Variants in CHSY3 observed in about 807,000 individuals in gnomAD.
CHSY3 encodes the protein N-acetylgalactosaminyl-proteoglycan 3-beta-glucuronosyltransferase 3.
CHSY3 carries 35 observed loss-of-function variants against 67.2 expected under a neutral mutation model. The ratio of observed to expected loss-of-function variants is 0.52; its 90% CI spans 0.40 to 0.69. The LOEUF (loss-of-function observed/expected upper bound fraction) is 0.69. Ranked by LOEUF, CHSY3 falls within the 30% of genes least tolerant of loss-of-function variation. The pLI is 0.00. For missense variants in CHSY3, 1,069 were observed against 1,138.5 expected (o/e 0.94, Z 0.88); for synonymous variants, 474 against 434.7 (o/e 1.09, Z -1.12).
intron 2 of CHSY3, among the ~76,000 whole-genome samples, chr5:130,112,687 T>C (rs1439974452): frequency 6.6e-6 from 1 of 152,136 alleles, no homozygotes; most frequent in Non-Finnish European, 1.5e-5. Flanking sequence ...TGGAGAGATA[T>C]AGACTGGAAT....
chr5:130,088,078 T>C (rs1766722193), intron 2 of CHSY3, among the ~76,000 whole-genome samples: 1 of 152,124 alleles, frequency 6.6e-6, no homozygotes, highest in Non-Finnish European at 1.5e-5. Context: ...TATACAACTA[T>C]CTGATCTTTG....
intron 2 of CHSY3, among the ~76,000 whole-genome samples, chr5:130,109,152 C>T (rs567119436): frequency 6.6e-6 from 1 of 151,804 alleles, no homozygotes; most frequent in East Asian, 1.9e-4. Flanking sequence ...GGATAAAGGT[C>T]CAAGAAACTT....
chr5:130,038,091 G>A (rs1217703416), intron 2 of CHSY3, among the ~76,000 whole-genome samples: 3 of 151,996 alleles, frequency 2.0e-5, no homozygotes, highest in Non-Finnish European at 4.4e-5. Flanking sequence ...TGTATTAGCA[G>A]GTTAATTTCT....
intron 2 of CHSY3, among the ~76,000 whole-genome samples, chr5:129,967,788 G>A (rs1762512096): frequency 6.6e-6 from 1 of 151,802 alleles, no homozygotes; most frequent in East Asian, 1.9e-4. Flanking sequence ...TCATCTGGCA[G>A]TCATTAATTT....
chr5:130,098,241 A>T (rs1057169006), intron 2 of CHSY3, among the ~76,000 whole-genome samples: 2 of 152,088 alleles, frequency 1.3e-5, no homozygotes, highest in African/African-American at 4.8e-5. Flanking sequence ...ATCTCTGCCA[A>T]CCTTCAATCT....
intron 2 of CHSY3, among the ~76,000 whole-genome samples, chr5:130,061,574 AG>A (rs1267056152): frequency 1.3e-5 from 2 of 152,130 alleles, no homozygotes; most frequent in African/African-American, 2.4e-5. Context: ...TTAAACTAAA[AG>A]CTTCTGCACA....
At chr5:129,925,013 G>A (rs943555086) in intron 2 of CHSY3, among the ~76,000 whole-genome samples, 12 of 152,108 alleles carry the variant, frequency 7.9e-5, no homozygotes, top group Non-Finnish European at 1.2e-4. Context: ...CTCTGTCCTT[G>A]TGGAATTTAT....
At chr5:130,136,416 G>A (rs748980275) in intron 2 of CHSY3, among the ~76,000 whole-genome samples, 25 of 152,280 alleles carry the variant, frequency 1.6e-4, no homozygotes, top group Admixed American at 1.3e-4. Flanking sequence ...GGAGCTTTGA[G>A]TAACTGAAGT....
At chr5:129,924,413 C>T (rs1581371118) in intron 2 of CHSY3, among the ~76,000 whole-genome samples, 1 of 151,808 alleles carries the variant, frequency 6.6e-6, no homozygotes, top group Non-Finnish European at 1.5e-5. Flanking sequence ...TTTGGGAGGC[C>T]GAGGCAGGCG....
chr5:129,994,925 A>G (rs1210268795), intron 2 of CHSY3, among the ~76,000 whole-genome samples: 1 of 152,018 alleles, frequency 6.6e-6, no homozygotes, highest in Non-Finnish European at 1.5e-5. Context: ...GAGGGATAGC[A>G]TTAGGAGATA....
intron 2 of CHSY3, among the ~76,000 whole-genome samples, chr5:129,974,341 TG>T (rs1762732125): frequency 6.6e-6 from 1 of 152,064 alleles, no homozygotes; most frequent in South Asian, 2.1e-4. Context: ...TACCCTGACT[TG>T]GTGATACTGC....
chr5:130,095,407 G>C (rs1391605759), intron 2 of CHSY3, among the ~76,000 whole-genome samples: 1 of 152,178 alleles, frequency 6.6e-6, no homozygotes, highest in Admixed American at 6.5e-5. Flanking sequence ...AAACATAAGG[G>C]AACCGGGGAC....
intron 2 of CHSY3, among the ~76,000 whole-genome samples, chr5:129,963,664 C>A (rs573091356): frequency 6.6e-6 from 1 of 152,096 alleles, no homozygotes; most frequent in East Asian, 1.9e-4. Flanking sequence ...GAGTCTACAA[C>A]CTCCTGTTGG....
intron 2 of CHSY3, among the ~76,000 whole-genome samples, chr5:130,116,262 A>G (rs1019343140): frequency 3.9e-5 from 6 of 152,352 alleles, no homozygotes; most frequent in African/African-American, 1.4e-4. Context: ...AGAAGAGTTC[A>G]CAAAAAAACG....
intron 2 of CHSY3, among the ~76,000 whole-genome samples, chr5:130,022,714 A>G (rs1391763251): frequency 6.6e-6 from 1 of 151,956 alleles, no homozygotes; most frequent in Non-Finnish European, 1.5e-5. Context: ...TTATTCAGAT[A>G]CCTTCCATGA....
chr5:130,174,432 T>A (rs1487983325), intron 2 of CHSY3, among the ~76,000 whole-genome samples: 1 of 152,084 alleles, frequency 6.6e-6, no homozygotes, highest in Non-Finnish European at 1.5e-5. Context: ...GCTTTACCCA[T>A]GATAGTATGG....
intron 1 of CHSY3, chr5:129,905,884 C>A: frequency 1.3e-6 from 1 of 785,902 alleles, no homozygotes; most frequent in Non-Finnish European, 1.9e-6. Context: ...GTTTTCGGTG[C>A]CGCCTCGCGC....
chr5:129,932,140 A>ATATATATATATATATG (rs1183646627), intron 2 of CHSY3, among the ~76,000 whole-genome samples: 24 of 136,354 alleles, frequency 1.8e-4, no homozygotes, highest in African/African-American at 5.9e-4. Flanking sequence ...ATATATATAT[A>ATATATATATATATATG]TATGTATATG....
At chr5:129,997,754 G>A (rs1341007462) in intron 2 of CHSY3, among the ~76,000 whole-genome samples, 10 of 152,126 alleles carry the variant, frequency 6.6e-5, no homozygotes, top group South Asian at 2.1e-4. Flanking sequence ...GAGAACATGC[G>A]GTGTTTGATT....
Sources: allele counts gnomAD v4.1 joint callset (sites outside exome capture counted in the v4.1 genomes callset), GRCh38; gene constraint gnomAD v4.1.1; transcripts MANE v1.5; gene names NCBI Gene and HGNC (gene_info 2026-07-23, HGNC 2026-07-21).